The following UST variants were observed in gnomAD, a reference collection of about 807,000 sequenced individuals.
The protein encoded by UST is chondroitin sulfate 2-O-sulfotransferase.
In UST, 21 loss-of-function variants were observed where a neutral mutation model predicts 45.6. The ratio of observed to expected loss-of-function variants is 0.46; its 90% CI spans 0.33 to 0.66. The LOEUF is 0.66. Among genes scored for constraint, UST ranks in the 30% least tolerant of loss-of-function variants. The pLI is 0.02. For missense variants in UST, 463 were observed against 512.4 expected, an observed-to-expected ratio of 0.90 and a Z score of 0.93; for synonymous variants, 215 against 200.6, an observed-to-expected ratio of 1.07 and a Z score of -0.61.
intron 2 of UST, among the ~76,000 whole-genome samples, chr6:148,904,348 C>T (rs1779318543): frequency 6.6e-6 from 1 of 152,004 alleles, no homozygotes; most frequent in Non-Finnish European, 1.5e-5. Context: ...GATGAATCCA[C>T]AGTAGATTAG....
chr6:148,931,053 T>A (rs540232886), intron 2 of UST, among the ~76,000 whole-genome samples: 2 of 152,218 alleles, frequency 1.3e-5, no homozygotes, highest in Non-Finnish European at 2.9e-5. Flanking sequence ...TTATACTATT[T>A]TCAGTGAGGG....
intron 1 of UST, among the ~76,000 whole-genome samples, chr6:148,859,475 T>G (rs1388476089): frequency 4.1e-4 from 63 of 152,348 alleles, no homozygotes; most frequent in Non-Finnish European, 5.7e-4. Flanking sequence ...TTTCTTTTGC[T>G]GTGCAGAAGC....
At chr6:148,865,455 G>A (rs772927807) in intron 1 of UST, among the ~76,000 whole-genome samples, 11 of 152,108 alleles carry the variant, frequency 7.2e-5, no homozygotes, top group Non-Finnish European at 1.2e-4. Context: ...GAGGAAAGTC[G>A]GGTGTTTTCT....
At chr6:148,808,788 C>T (rs1220439531) in intron 1 of UST, among the ~76,000 whole-genome samples, 1 of 152,048 alleles carries the variant, frequency 6.6e-6, no homozygotes, top group African/African-American at 2.4e-5. Context: ...GGAGATGGAG[C>T]CCTCATGATG....
chr6:148,790,062 T>C lies in UST; in HGVS notation c.247+42385T>C, dbSNP rs1277476887. On this transcript the variant is annotated intron_variant, in intron 1 of 7. Coordinates refer to ENST00000367463, the MANE Select transcript of UST (RefSeq NM_005715.3). This position sits in a 1 kb window ranked among gnomAD's most constrained non-coding sequence, Gnocchi z 4.2. Reference sequence around the variant, plus strand: ...TGGGAAGGCTGATTTCTTTAGCTCTTTTCTTTCTCTGGGAATAATGCATTC... The same window carrying C: ...TGGGAAGGCTGATTTCTTTAGCTCTCTTCTTTCTCTGGGAATAATGCATTC... Among the ~76,000 whole-genome samples the C allele has an allele frequency of 6.6e-6, 1 of 152,054 alleles. No individual in the cohort carries two copies. Among genetic ancestry groups the C allele is most frequent in the Non-Finnish European group, 1.5e-5 (1 of 68,016 alleles).
At chr6:148,793,417 C>G (rs112637846) in intron 1 of UST, among the ~76,000 whole-genome samples, 1 of 152,118 alleles carries the variant, frequency 6.6e-6, no homozygotes, top group African/African-American at 2.4e-5. Flanking sequence ...ACAGGATAGA[C>G]CAGGTCCCCA....
chr6:149,076,775 A>G lies in UST; in HGVS notation c.*2659A>G, dbSNP rs902272902. On this transcript the variant is annotated 3_prime_UTR_variant, in exon 8 of 8. Coordinates refer to ENST00000367463, the MANE Select transcript of UST (RefSeq NM_005715.3). ...TTAGTTACTCAGGAAGGAGTTAATTAAAATGATTTTATTTTGGTCTGATGG... is the reference window on the plus strand; with the variant it reads ...TTAGTTACTCAGGAAGGAGTTAATTGAAATGATTTTATTTTGGTCTGATGG... The G allele has an allele frequency of 1.3e-5, 2 of 152,666 alleles. No homozygotes were observed. Among genetic ancestry groups the G allele is most frequent in the African/African-American group, 2.4e-5 (1 of 41,476 alleles). 9.5% of individuals were successfully genotyped at this position (152,666 alleles called of 1,614,324 possible). A position where few individuals can be genotyped will look rare whatever the true frequency, so the allele number is the denominator to read the frequency against.
At chr6:148,777,670 G>A (rs769672526) in intron 1 of UST, among the ~76,000 whole-genome samples, 2 of 152,078 alleles carry the variant, frequency 1.3e-5, no homozygotes, top group Non-Finnish European at 2.9e-5. Context: ...TCAGCCTCCC[G>A]AGTAGCTGGG....
chr6:148,863,363 C>T (rs1367991387), intron 1 of UST, among the ~76,000 whole-genome samples: 1 of 152,104 alleles, frequency 6.6e-6, no homozygotes, highest in Non-Finnish European at 1.5e-5. Flanking sequence ...TATTTAAGGT[C>T]TTCTCTATGC....
At chr6:148,750,697 A>AT (rs1775972888) in intron 1 of UST, among the ~76,000 whole-genome samples, 1 of 152,146 alleles carries the variant, frequency 6.6e-6, no homozygotes, top group Admixed American at 6.5e-5. Context: ...CCTTTTCTTG[A>AT]TACTTGTACT....
At chr6:148,832,526 C>T (rs1460285790) in intron 1 of UST, among the ~76,000 whole-genome samples, 2 of 152,176 alleles carry the variant, frequency 1.3e-5, no homozygotes, top group Non-Finnish European at 2.9e-5. Context: ...AAAAACTGAT[C>T]AGCATCCCAT....
At chr6:148,857,278 C>CA (rs1410200200) in intron 1 of UST, among the ~76,000 whole-genome samples, 1 of 152,198 alleles carries the variant, frequency 6.6e-6, no homozygotes, top group Non-Finnish European at 1.5e-5. Flanking sequence ...CACACATACA[C>CA]ACCAAGCTGA....
At chr6:148,926,163 A>G (rs1207758825) in intron 2 of UST, among the ~76,000 whole-genome samples, 1 of 152,222 alleles carries the variant, frequency 6.6e-6, no homozygotes, top group Non-Finnish European at 1.5e-5. Context: ...TTGATCATCG[A>G]TACAGCATTT....
At chr6:148,773,551 G>C (rs996764183) in intron 1 of UST, among the ~76,000 whole-genome samples, 1 of 152,074 alleles carries the variant, frequency 6.6e-6, no homozygotes, top group South Asian at 2.1e-4. Flanking sequence ...GTATAAATGA[G>C]GTAAATGCAA....
chr6:148,832,027 T>A (rs1777697591), intron 1 of UST, among the ~76,000 whole-genome samples: 1 of 152,214 alleles, frequency 6.6e-6, no homozygotes, highest in Non-Finnish European at 1.5e-5. Flanking sequence ...ACAATCTCTC[T>A]CTATTGCCCA....
chr6:148,747,561 C>T lies in UST; in HGVS notation c.131C>T (p.Ser44Phe), dbSNP rs1423057505. The change falls in exon 1 of 8, where the codon TCC becomes TTC. Residue 44 changes from serine to phenylalanine, a missense_variant. Ser to Phe is a radical substitution (Grantham distance 155). This residue lies in a region of UST where 176 missense variants were observed against 138.3 expected (regional missense o/e 1.27). Transcript: ENST00000367463. Reference protein sequence around the residue: ...RVPLLPFLRFSLRDYGFCMAT... With the variant: ...RVPLLPFLRFFLRDYGFCMAT... ...CCCCTGCTGCCTTTCCTGCGCTTCTCCCTCCGGGACTACGGCTTCTGCATG... is the reference window on the plus strand; with the variant it reads ...CCCCTGCTGCCTTTCCTGCGCTTCTTCCTCCGGGACTACGGCTTCTGCATG... 7.6e-6 allele frequency: 12 copies of T among 1,577,916 alleles called. No homozygotes were observed. The highest frequency in any genetic ancestry group is 1.0e-5 in the Non-Finnish European group (12 of 1,163,874).
At chr6:149,061,888 T>C (rs1468979843) in intron 7 of UST, among the ~76,000 whole-genome samples, 1 of 152,236 alleles carries the variant, frequency 6.6e-6, no homozygotes, top group Non-Finnish European at 1.5e-5. Context: ...AACACTTTCA[T>C]TTTGCTAATG....
chr6:148,994,447 A>T (rs890345710), intron 5 of UST, among the ~76,000 whole-genome samples: 2 of 152,194 alleles, frequency 1.3e-5, no homozygotes, highest in African/African-American at 4.8e-5. Flanking sequence ...TCTCTGTTTA[A>T]TCTTAGAATT....
chr6:148,846,221 G>T (rs1462759602), intron 1 of UST, among the ~76,000 whole-genome samples: 1 of 151,036 alleles, frequency 6.6e-6, no homozygotes, highest in Non-Finnish European at 1.5e-5. Flanking sequence ...TGATAGACTG[G>T]ATTAAGAAAA....
Sources: allele counts gnomAD v4.1 joint callset (sites outside exome capture counted in the v4.1 genomes callset), GRCh38; gene constraint gnomAD v4.1.1; regional missense constraint gnomAD v4.1.1; non-coding constraint Gnocchi (gnomAD v3.1); transcripts MANE v1.5; gene names NCBI Gene and HGNC (gene_info 2026-07-23, HGNC 2026-07-21).